MGAT5: variants seen among roughly 807,000 people sequenced by gnomAD.
MGAT5 encodes the protein alpha-1,6-mannosylglycoprotein 6-beta-N-acetylglucosaminyltransferase, also known as alpha-1,6-mannosylglycoprotein 6-beta-N-acetylglucosaminyltransferase A.
MGAT5 carries 30 observed loss-of-function variants against 94.3 expected under a neutral mutation model. That is an observed-to-expected ratio of 0.32 (90% confidence interval 0.24 to 0.43). MGAT5 has a LOEUF of 0.43. Among genes scored for constraint, MGAT5 ranks in the 20% least tolerant of loss-of-function variants. The pLI is 1.00. For synonymous variants in MGAT5, 310 were observed against 322.9 expected (o/e 0.96, Z 0.43); for missense variants, 691 against 905.5 (o/e 0.76, Z 3.04).
chr2:134,218,010 A>C (rs1046327315), intron 1 of MGAT5, among the ~76,000 whole-genome samples: 2 of 152,226 alleles, frequency 1.3e-5, no homozygotes, highest in African/African-American at 4.8e-5. Context: ...TGCTGTTACT[A>C]TTACTGGCTG....
chr2:134,373,804 C>T (rs1680977286), intron 10 of MGAT5, among the ~76,000 whole-genome samples: 2 of 152,212 alleles, frequency 1.3e-5, no homozygotes, highest in Non-Finnish European at 2.9e-5. Flanking sequence ...GGCACTGCCA[C>T]CCTCCCAACT....
intron 2 of MGAT5, among the ~76,000 whole-genome samples, chr2:134,284,079 C>T (rs1396696081): frequency 1.3e-5 from 2 of 152,128 alleles, no homozygotes; most frequent in Non-Finnish European, 2.9e-5. Flanking sequence ...CTTTCAGATC[C>T]AGAGATTCAT....
rs555023615 is a variant in MGAT5, at chr2:134,243,735, A to AT, written c.-142-10520dup. Among the ~76,000 whole-genome samples, 45 of 152,228 alleles carry AT rather than the reference A, an allele frequency of 3.0e-4. 1 individual carries two copies. In the East Asian group the frequency reaches 8.5e-3, roughly 29 times the overall value. On this transcript the variant is annotated intron_variant, in intron 1 of 16. Transcript: ENST00000409645. ...TATTTCTTCACTGCTTAGCTAGTTC[A>AT]TTTTTTTAACCAAATCAGATTTGGG... is the stretch of plus-strand genomic sequence containing the variant.
upstream of MGAT5, among the ~76,000 whole-genome samples, chr2:134,249,671 C>A (rs1442073824): frequency 1.3e-5 from 2 of 152,162 alleles, no homozygotes; most frequent in Non-Finnish European, 2.9e-5. Context: ...GCTGGTTTTA[C>A]TTTTGTTTAT....
chr2:134,240,458 C>T lies in MGAT5; in HGVS notation c.-142-13804C>T, dbSNP rs533611503. 3.8e-4 allele frequency among the ~76,000 whole-genome samples: 58 copies of T among 151,800 alleles called. No individual in the cohort carries two copies. The South Asian group carries it at 0.01, about 27-fold the overall frequency. On this transcript the variant is annotated intron_variant, in intron 1 of 16. Transcript: ENST00000409645. ...CTTAAGACGGAAGAGTGAAAGCCTACCAGTATTTATTAAGAGCTTGGATAT... is the reference window on the plus strand; with the variant it reads ...CTTAAGACGGAAGAGTGAAAGCCTATCAGTATTTATTAAGAGCTTGGATAT...
chr2:134,335,467 T>C (rs1688277530), intron 4 of MGAT5, among the ~76,000 whole-genome samples: 1 of 152,184 alleles, frequency 6.6e-6, no homozygotes, highest in South Asian at 2.1e-4. Context: ...CCTAATAGTC[T>C]TTGATAACCT....
At chr2:134,294,330 A>C (rs1339021197) in intron 2 of MGAT5, among the ~76,000 whole-genome samples, 1 of 152,160 alleles carries the variant, frequency 6.6e-6, no homozygotes, top group Non-Finnish European at 1.5e-5. Context: ...TCTTAATATA[A>C]GGTCTTAACG....
intron 1 of MGAT5, among the ~76,000 whole-genome samples, chr2:134,234,027 G>T (rs761511771): frequency 2.0e-5 from 3 of 152,210 alleles, no homozygotes; most frequent in Admixed American, 2.0e-4. Flanking sequence ...AAATCAGAAC[G>T]CTAGATGCTA....
At chr2:134,414,256 C>T (rs907124137) in intron 12 of MGAT5, among the ~76,000 whole-genome samples, 3 of 150,804 alleles carry the variant, frequency 2.0e-5, no homozygotes, top group South Asian at 4.2e-4. Context: ...ATTTATAAGT[C>T]GGCAATACTT....
chr2:134,323,820 C>A (rs1452213859), intron 4 of MGAT5, among the ~76,000 whole-genome samples: 1 of 152,110 alleles, frequency 6.6e-6, no homozygotes, highest in African/African-American at 2.4e-5. Context: ...GTCAGCCATT[C>A]CAAGTGGTAG....
chr2:134,143,209 TG>T (rs1034000543), intron 1 of MGAT5, among the ~76,000 whole-genome samples: 1 of 152,146 alleles, frequency 6.6e-6, no homozygotes, highest in African/African-American at 2.4e-5. Flanking sequence ...TTGATGGATC[TG>T]GGTTTTATTT....
chr2:134,431,256 G>A (rs550383466), intron 14 of MGAT5, among the ~76,000 whole-genome samples: 13 of 152,304 alleles, frequency 8.5e-5, no homozygotes, highest in African/African-American at 2.4e-4. Flanking sequence ...GGGCTTTGTC[G>A]CAGGCTAAGG....
At chr2:134,194,009 G>A (rs1377134238) in intron 1 of MGAT5, among the ~76,000 whole-genome samples, 4 of 152,168 alleles carry the variant, frequency 2.6e-5, no homozygotes, top group Non-Finnish European at 2.9e-5. Flanking sequence ...CTCCTACTGG[G>A]TTAATGAACA....
intron 1 of MGAT5, among the ~76,000 whole-genome samples, chr2:134,159,703 A>G (rs1446781391): frequency 1.3e-5 from 2 of 152,136 alleles, no homozygotes; most frequent in Non-Finnish European, 2.9e-5. Context: ...TTAGTTGAGC[A>G]TGGTGGCACA....
At chr2:134,427,574 C>T (rs1420167012) in intron 13 of MGAT5, among the ~76,000 whole-genome samples, 1 of 152,232 alleles carries the variant, frequency 6.6e-6, no homozygotes, top group East Asian at 1.9e-4. Context: ...CACCTCGTCT[C>T]ACCAGTTCCC....
intron 1 of MGAT5, among the ~76,000 whole-genome samples, chr2:134,244,796 T>G (rs1042650273): frequency 1.3e-5 from 2 of 152,074 alleles, no homozygotes; most frequent in Non-Finnish European, 2.9e-5. Context: ...ATTTTTCGAT[T>G]GTCACAACCC....
chr2:134,341,360 A>T (rs1020431342), intron 6 of MGAT5, among the ~76,000 whole-genome samples: 3 of 152,188 alleles, frequency 2.0e-5, no homozygotes, highest in African/African-American at 7.2e-5. Context: ...TTATCTGTCC[A>T]TACCTTGTAC....
intron 10 of MGAT5, among the ~76,000 whole-genome samples, chr2:134,375,465 G>A (rs987950575): frequency 5.3e-5 from 8 of 152,180 alleles, no homozygotes; most frequent in East Asian, 1.9e-4. Flanking sequence ...TAGTGAAACC[G>A]AAATGGGCTA....
chr2:134,388,791 T>C (rs1301752477), intron 10 of MGAT5, among the ~76,000 whole-genome samples: 2 of 151,946 alleles, frequency 1.3e-5, no homozygotes, highest in Non-Finnish European at 2.9e-5. Flanking sequence ...GGTCGGAGTC[T>C]CGCTCTGTTG....
Sources: allele counts gnomAD v4.1 joint callset (sites outside exome capture counted in the v4.1 genomes callset), GRCh38; gene constraint gnomAD v4.1.1; transcripts MANE v1.5; gene names NCBI Gene and HGNC (gene_info 2026-07-23, HGNC 2026-07-21).